Variants in FAAH2 observed in about 807,000 individuals in gnomAD.
FAAH2 encodes the protein fatty acid amide hydrolase 2.
In FAAH2, 60 loss-of-function variants were observed where a neutral mutation model predicts 36.9. The observed-to-expected ratio is 1.63, with a 90% confidence interval of 1.32 to 2.02. FAAH2 has a LOEUF of 2.02. Among genes scored for constraint, FAAH2 ranks in the 30% most tolerant of loss-of-function variants. The pLI is 0.00. For missense variants in FAAH2, 689 were observed against 397.5 expected, an observed-to-expected ratio of 1.73 and a Z score of -6.23; for synonymous variants, 214 against 143.8, an observed-to-expected ratio of 1.49 and a Z score of -3.49.
chrX:57,221,703 T>C, the FAAH2 span, among the ~76,000 whole-genome samples: 1 of 111,151 alleles, frequency 9.0e-6, no homozygotes, highest in Non-Finnish European at 1.9e-5. Context: ...ATACCACTCA[T>C]TTTTCTGTTC....
At chrX:57,167,872 C>T in the FAAH2 span, among the ~76,000 whole-genome samples, 1 of 111,626 alleles carries the variant, frequency 9.0e-6, no homozygotes, top group Non-Finnish European at 1.9e-5. Flanking sequence ...GAAGTATTTG[C>T]AGCAGACCAG....
chrX:57,427,585 G>A (rs749787611), intron 7 of FAAH2, among the ~76,000 whole-genome samples: 5 of 111,668 alleles, frequency 4.5e-5, no homozygotes, highest in Admixed American at 1.9e-4. Context: ...ACCCAGAGAT[G>A]AAAGGATGGT....
chrX:57,234,598 C>T, the FAAH2 span, among the ~76,000 whole-genome samples: 1 of 111,803 alleles, frequency 8.9e-6, no homozygotes, highest in African/African-American at 3.2e-5. Context: ...GAGACAGTGA[C>T]AGATCATCAG....
chrX:57,241,911 C>T, the FAAH2 span, among the ~76,000 whole-genome samples: 2 of 110,929 alleles, frequency 1.8e-5, no homozygotes, highest in Non-Finnish European at 3.8e-5. Context: ...CTGGGCAGGG[C>T]ATCTCTGAAA....
At chrX:57,152,169 G>T in the FAAH2 span, among the ~76,000 whole-genome samples, 1 of 112,107 alleles carries the variant, frequency 8.9e-6, no homozygotes, top group Non-Finnish European at 1.9e-5. Flanking sequence ...TGAGGTGTCA[G>T]TCTGCCCCTA....
intron 10 of FAAH2, among the ~76,000 whole-genome samples, chrX:57,468,443 G>A (rs920141992): frequency 4.5e-5 from 5 of 112,273 alleles, no homozygotes; most frequent in Non-Finnish European, 7.5e-5. Flanking sequence ...AGAATGACGT[G>A]ATGAATGCAC....
At chrX:57,319,096 T>C (rs2052934442) in intron 3 of FAAH2, among the ~76,000 whole-genome samples, 2 of 111,992 alleles carry the variant, frequency 1.8e-5, no homozygotes, top group South Asian at 7.5e-4. Context: ...AAGCATTCCC[T>C]TTGAAAACTG....
chrX:57,214,039 C>T, the FAAH2 span, among the ~76,000 whole-genome samples: 2 of 111,513 alleles, frequency 1.8e-5, no homozygotes, highest in East Asian at 2.8e-4. Context: ...AAATTGATCC[C>T]TTTATTATTA....
At chrX:57,410,641 A>T (rs1166574643) in intron 7 of FAAH2, among the ~76,000 whole-genome samples, 1 of 110,776 alleles carries the variant, frequency 9.0e-6, no homozygotes, top group African/African-American at 3.3e-5. Context: ...TGTGGGCCTT[A>T]TTTTTTACTT....
intron 10 of FAAH2, among the ~76,000 whole-genome samples, chrX:57,453,139 G>T (rs139037896): frequency 8.9e-6 from 1 of 111,969 alleles, no homozygotes; most frequent in African/African-American, 3.2e-5. Flanking sequence ...AAGAGAGGCT[G>T]ATTTTACATG....
chrX:57,190,613 C>T, the FAAH2 span, among the ~76,000 whole-genome samples: 1 of 110,508 alleles, frequency 9.0e-6, no homozygotes, highest in Admixed American at 9.7e-5. Flanking sequence ...CTGGATAGTG[C>T]AGTTCCTCAT....
At chrX:57,389,279 T>TAC (rs1175945689) in intron 7 of FAAH2, among the ~76,000 whole-genome samples, 232 of 26,474 alleles carry the variant, frequency 8.8e-3, no homozygotes, top group South Asian at 0.074. Flanking sequence ...CACACACACC[T>TAC]ACACACACAC....
chrX:57,265,968 G>A, the FAAH2 span, among the ~76,000 whole-genome samples: 2 of 111,058 alleles, frequency 1.8e-5, no homozygotes, highest in South Asian at 7.7e-4. Flanking sequence ...GACCTCCCTG[G>A]GATGGAGCTC....
chrX:57,133,476 T>C, the FAAH2 span, among the ~76,000 whole-genome samples: 2 of 111,812 alleles, frequency 1.8e-5, no homozygotes, highest in African/African-American at 6.5e-5. Flanking sequence ...GTGCCTTTTA[T>C]TAGAGTAAAG....
chrX:57,420,985 G>GT (rs2056006899), intron 7 of FAAH2, among the ~76,000 whole-genome samples: 1 of 112,346 alleles, frequency 8.9e-6, no homozygotes, highest in East Asian at 2.8e-4. Context: ...TAATTATGTG[G>GT]TTTTTGTCTT....
intron 5 of FAAH2, among the ~76,000 whole-genome samples, chrX:57,348,985 C>T (rs1485951198): frequency 9.6e-6 from 1 of 103,726 alleles, no homozygotes; most frequent in African/African-American, 3.5e-5. Context: ...AATAAAGACG[C>T]TCAGTGAGAT....
the FAAH2 span, among the ~76,000 whole-genome samples, chrX:57,202,092 T>A: frequency 1.6e-4 from 18 of 112,114 alleles, 1 homozygote; most frequent in East Asian, 4.8e-3. Context: ...TTATAAATTA[T>A]CTGTCTGAGA....
intron 2 of FAAH2, among the ~76,000 whole-genome samples, chrX:57,301,615 TAATAATAA>T (rs2052373688): frequency 3.8e-4 from 2 of 5,217 alleles, no homozygotes; most frequent in Non-Finnish European, 0.01. Flanking sequence ...AGTATAATAA[TAATAATAA>T]TAATAATAAT....
chrX:57,241,262 A>G, the FAAH2 span, among the ~76,000 whole-genome samples: 4 of 112,567 alleles, frequency 3.6e-5, no homozygotes, highest in Non-Finnish European at 5.6e-5. Flanking sequence ...AAGACAACCT[A>G]TACAATACTG....
Sources: allele counts gnomAD v4.1 joint callset (sites outside exome capture counted in the v4.1 genomes callset), GRCh38; gene constraint gnomAD v4.1.1; transcripts MANE v1.5; gene names NCBI Gene and HGNC (gene_info 2026-07-23, HGNC 2026-07-21).